The following CACNB2 variants were observed in gnomAD, a reference collection of about 807,000 sequenced individuals.
The protein encoded by CACNB2 is voltage-dependent L-type calcium channel subunit beta-2.
Under a neutral mutation model 73.3 loss-of-function variants are expected in CACNB2, and 42 were observed. That is an observed-to-expected ratio of 0.57 (90% CI 0.45 to 0.74). The LOEUF (loss-of-function observed/expected upper bound fraction) is 0.74, where lower values mean the gene tolerates loss of function less well. Among genes scored for constraint, CACNB2 ranks in the 30% least tolerant of loss-of-function variants. The pLI, the probability that CACNB2 is intolerant of heterozygous loss-of-function variation, is 0.00. For synonymous variants in CACNB2, 348 were observed against 310.3 expected, an observed-to-expected ratio of 1.12 and a Z score of -1.28; for missense variants, 940 against 853.0, an observed-to-expected ratio of 1.10 and a Z score of -1.27.
At chr10:18,394,637 C>T (rs1447361220) in intron 2 of CACNB2, among the ~76,000 whole-genome samples, 1 of 152,140 alleles carries the variant, frequency 6.6e-6, no homozygotes. Context: ...TGGCCTTGCT[C>T]AGGTAGCTTC....
At chr10:18,355,635 TTTTTTTTTTTTA>T (rs2041875866) in intron 2 of CACNB2, among the ~76,000 whole-genome samples, 2 of 151,754 alleles carry the variant, frequency 1.3e-5, no homozygotes, top group Non-Finnish European at 2.9e-5. Flanking sequence ...TTTCTCTTTT[TTTTTTTTTTTTA>T]TTTTTTTGAG....
chr10:18,404,740 C>T (rs540176815), intron 3 of CACNB2, among the ~76,000 whole-genome samples: 7 of 152,224 alleles, frequency 4.6e-5, no homozygotes, highest in African/African-American at 1.4e-4. Flanking sequence ...TGTGAAATAA[C>T]GTGATTAGCA....
intron 3 of CACNB2, among the ~76,000 whole-genome samples, chr10:18,403,523 A>G (rs1296664883): frequency 1.3e-5 from 2 of 152,218 alleles, no homozygotes; most frequent in Non-Finnish European, 2.9e-5. Context: ...TCGGGCTTAT[A>G]TGCCATCATG....
intron 3 of CACNB2, among the ~76,000 whole-genome samples, chr10:18,451,514 T>A (rs1215633525): frequency 6.6e-6 from 1 of 152,244 alleles, no homozygotes; most frequent in Non-Finnish European, 1.5e-5. Flanking sequence ...ATTTGTTCAA[T>A]GTGAAGTTTT....
chr10:18,348,419 A>G lies in CACNB2; in HGVS notation c.214-53505A>G, dbSNP rs77485022. Among the ~76,000 whole-genome samples the G allele has an allele frequency of 4.0e-3, 603 of 152,330 alleles. 4 individuals are homozygous for G. Among genetic ancestry groups the G allele is most frequent in the African/African-American group, 0.014 (571 of 41,566 alleles). On this transcript the variant is annotated intron_variant, in intron 2 of 13. Coordinates refer to ENST00000324631, the MANE Select transcript of CACNB2 (RefSeq NM_201596.3). ...TGGAATACAGAGGCCCAAGGTGGTT[A>G]TATGGGCTAAATTTGAACTCAGAAA...
intron 2 of CACNB2, among the ~76,000 whole-genome samples, chr10:18,359,897 G>C (rs2042075277): frequency 6.6e-6 from 1 of 152,126 alleles, no homozygotes; most frequent in South Asian, 2.1e-4. Flanking sequence ...TTGCTGTCGT[G>C]AGTGGTACTA....
chr10:18,401,549 C>G (rs1221031342), intron 2 of CACNB2, among the ~76,000 whole-genome samples: 2 of 152,144 alleles, frequency 1.3e-5, no homozygotes, highest in Non-Finnish European at 2.9e-5. Flanking sequence ...TAATGTCCTC[C>G]TAGTTTCAAA....
intron 7 of CACNB2, among the ~76,000 whole-genome samples, chr10:18,517,809 G>A (rs2051429878): frequency 6.6e-6 from 1 of 151,594 alleles, no homozygotes; most frequent in African/African-American, 2.4e-5. Context: ...ACAATATTTT[G>A]AGATTAGGTA....
At chr10:18,421,422 G>A (rs186750805) in intron 3 of CACNB2, among the ~76,000 whole-genome samples, 16 of 151,232 alleles carry the variant, frequency 1.1e-4, no homozygotes, top group Admixed American at 6.6e-4. Context: ...CTCAGCCTCC[G>A]GAGTAGCTGG....
Position 18,534,059 on chromosome 10 carries a change from T to C in CACNB2, c.1055-17T>C. On this transcript the variant is annotated splice_polypyrimidine_tract_variant and intron_variant, in intron 10 of 13. Transcript: ENST00000324631. ...TAAAAATACTGCACTTTAACTGAAT[T>C]GTTTCGCCCTTTACAGCGGAAGTTC... 1.2e-6 allele frequency: 2 copies of C among 1,613,912 alleles called. No individual in the cohort carries two copies. The highest frequency in any genetic ancestry group is 1.3e-5 in the African/African-American group (1 of 75,064).
At chr10:18,291,700 C>T (rs538319396) in intron 2 of CACNB2, among the ~76,000 whole-genome samples, 16 of 152,134 alleles carry the variant, frequency 1.1e-4, no homozygotes, top group Non-Finnish European at 2.1e-4. Context: ...TATTGTTGAC[C>T]GCTTCAGTAC....
intron 2 of CACNB2, among the ~76,000 whole-genome samples, chr10:18,187,045 G>A (rs1779238): frequency 0.66 from 100,651 of 151,994 alleles, 34,166 homozygotes; most frequent in East Asian, 0.76. Flanking sequence ...TAAGAAGGGA[G>A]GGTATAGGGA....
At chr10:18,208,270 C>G (rs965202148) in intron 2 of CACNB2, among the ~76,000 whole-genome samples, 20 of 152,126 alleles carry the variant, frequency 1.3e-4, no homozygotes, top group African/African-American at 4.6e-4. Context: ...AGTTCAAGAT[C>G]AGCCTGGGCA....
intron 2 of CACNB2, among the ~76,000 whole-genome samples, chr10:18,377,130 C>A (rs981659505): frequency 6.6e-6 from 1 of 152,028 alleles, no homozygotes; most frequent in Non-Finnish European, 1.5e-5. Flanking sequence ...AATATATACA[C>A]CTGCAAAAAG....
At chr10:18,282,377 G>C (rs140279306) in intron 2 of CACNB2, among the ~76,000 whole-genome samples, 11 of 152,178 alleles carry the variant, frequency 7.2e-5, no homozygotes, top group Non-Finnish European at 1.2e-4. Flanking sequence ...AGCCCCCTCC[G>C]TGTGTGAGCA....
Position 18,484,979 on chromosome 10 carries a change from A to AC in CACNB2, c.334-13373dup, listed in dbSNP as rs558025917. 2.8e-3 allele frequency among the ~76,000 whole-genome samples: 431 copies of AC among 152,082 alleles called. 3 individuals are homozygous for AC. The highest frequency in any genetic ancestry group is 0.01 in the African/African-American group (420 of 41,502). On this transcript the variant is annotated intron_variant, in intron 3 of 13. Coordinates refer to ENST00000324631, the MANE Select transcript of CACNB2 (RefSeq NM_201596.3). The stretch of plus-strand genomic sequence containing the variant: ...AGACCAGCCTGGACAACATAGTGAA[A>AC]CCCTGTCTCTACAAAAAATACAAAA...
At chr10:18,194,081 T>C (rs2131280381) in intron 2 of CACNB2, among the ~76,000 whole-genome samples, 1 of 152,240 alleles carries the variant, frequency 6.6e-6, no homozygotes, top group Admixed American at 6.5e-5. Flanking sequence ...GAGTTGAGTA[T>C]GAAGGATTCT....
At chr10:18,365,143 C>T (rs1263128421) in intron 2 of CACNB2, among the ~76,000 whole-genome samples, 1 of 152,148 alleles carries the variant, frequency 6.6e-6, no homozygotes, top group Non-Finnish European at 1.5e-5. Flanking sequence ...AGACCATTTC[C>T]TGAGTTCAAC....
chr10:18,314,662 A>C (rs1023600418), intron 2 of CACNB2, among the ~76,000 whole-genome samples: 1 of 152,168 alleles, frequency 6.6e-6, no homozygotes, highest in Non-Finnish European at 1.5e-5. Flanking sequence ...CCATTCAAAA[A>C]CTGTCTGCCA....
Sources: allele counts gnomAD v4.1 joint callset (sites outside exome capture counted in the v4.1 genomes callset), GRCh38; gene constraint gnomAD v4.1.1; transcripts MANE v1.5; gene names NCBI Gene and HGNC (gene_info 2026-07-23, HGNC 2026-07-21).